LUC7L: variants seen among roughly 807,000 people sequenced by gnomAD.
LUC7L encodes LUC7 like.
LUC7L carries 29 observed loss-of-function variants against 51.1 expected under a neutral mutation model. The observed-to-expected ratio is 0.57, with a 90% CI of 0.42 to 0.77. LUC7L has a LOEUF of 0.77. Ranked by LOEUF, LUC7L falls within the 30% of genes least tolerant of loss-of-function variation. The probability of loss-of-function intolerance (pLI) is 0.00; values close to 1 mark genes in which losing one functional copy is unlikely to be tolerated. For synonymous variants in LUC7L, 181 were observed against 180.7 expected, an observed-to-expected ratio of 1.00 and a Z score of -0.01; for missense variants, 403 against 511.9, an observed-to-expected ratio of 0.79 and a Z score of 2.05.
chr16:189,623 A>C, intron 9 of LUC7L: 1 of 1,328,534 alleles, frequency 7.5e-7, no homozygotes, highest in Non-Finnish European at 9.6e-7. Flanking sequence ...CACTACGTAA[A>C]AACACAATGG....
intron 3 of LUC7L, among the ~76,000 whole-genome samples, chr16:213,067 C>G (rs184828669): frequency 6.6e-6 from 1 of 152,182 alleles, no homozygotes; most frequent in African/African-American, 2.4e-5. Flanking sequence ...ACCTGGCCAT[C>G]TGTAACTTTT....
Position 189,298 on chromosome 16 carries a change from C to G in LUC7L, c.1016G>C (p.Ser339Thr), listed in dbSNP as rs1454626257. ...CGGGGGCCCTCGCTCGCTCCGCCCG[C>G]TCTCCCAGGACTCCTCTCTGGATGC... is the stretch of plus-strand genomic sequence containing the variant. Reference protein sequence around the residue: ...ERASREESWESGRSERGPPDW... With the variant: ...ERASREESWETGRSERGPPDW... Residue 339 changes from serine (S) to threonine (T), a missense_variant, in exon 10 of 10, where the codon AGC (serine) becomes ACC (threonine). Around this residue, in one of 3 missense-constraint regions of LUC7L, gnomAD observed 206 missense variants for 218.3 expected, o/e 0.94. Transcript: ENST00000293872. 1 of 1,613,336 alleles carries G rather than the reference C, an allele frequency of 6.2e-7. No individual in the cohort carries two copies. Among genetic ancestry groups the G allele is most frequent in the Admixed American group, 1.7e-5 (1 of 59,972 alleles).
Position 189,119 on chromosome 16 carries a change from T to A in LUC7L, c.*79A>T. On this transcript the variant is annotated 3_prime_UTR_variant, in exon 10 of 10. Coordinates refer to ENST00000293872, the MANE Select transcript of LUC7L (RefSeq NM_201412.3). ...GAAATTTTAAACTACAAAAGATGAG[T>A]TGTATTCAGCAAATATAAAGGGTAA... 2.1e-6 allele frequency: 3 copies of A among 1,412,732 alleles called. No homozygotes were observed. Among genetic ancestry groups the A allele is most frequent in the Non-Finnish European group, 2.9e-6 (3 of 1,032,186 alleles). The allele number at this position is 1,412,732 out of a possible 1,614,324, so 87.5% of individuals were successfully genotyped here. A position where few individuals can be genotyped will look rare whatever the true frequency, so the allele number is the denominator to read the frequency against.
chr16:211,526 CTTT>C (rs2049640594), intron 3 of LUC7L, among the ~76,000 whole-genome samples: 1 of 152,170 alleles, frequency 6.6e-6, no homozygotes, highest in Admixed American at 6.5e-5. Flanking sequence ...CTGCCAAGTT[CTTT>C]AAAAGGTGGC....
chr16:190,741 G>C (rs1368559267), intron 7 of LUC7L, 171 bp from the exon 8 acceptor site: 2 of 611,392 alleles, frequency 3.3e-6, no homozygotes, highest in African/African-American at 3.7e-5. Context: ...CTGGCCAGGC[G>C]TGGTGGCGGG....
intron 2 of LUC7L, 123 bp from the exon 3 acceptor site, chr16:220,870 A>G (rs558666196): frequency 1.5e-6 from 1 of 660,312 alleles, no homozygotes; most frequent in Non-Finnish European, 2.7e-6. Context: ...TGACACTGCA[A>G]TAAGAAAATT....
chr16:207,139 C>T (rs2049505656), intron 4 of LUC7L, among the ~76,000 whole-genome samples: 1 of 151,532 alleles, frequency 6.6e-6, no homozygotes, highest in South Asian at 2.1e-4. Flanking sequence ...GCGGAGCTTG[C>T]AGTGAGTCGA....
intron 7 of LUC7L, among the ~76,000 whole-genome samples, chr16:191,945 G>C (rs772811850): frequency 1.8e-4 from 28 of 152,158 alleles, no homozygotes; most frequent in Non-Finnish European, 4.4e-5. Context: ...GTCTCCAGGA[G>C]GATGTGGATA....
intron 6 of LUC7L, among the ~76,000 whole-genome samples, chr16:196,995 C>T (rs1371651567): frequency 6.6e-6 from 1 of 150,690 alleles, no homozygotes; most frequent in Admixed American, 6.6e-5. Context: ...GCAAGCTCCG[C>T]CTCCCGGGTT....
Position 229,402 on chromosome 16 carries a change from G to T in LUC7L, c.-63C>A. 1 of 1,388,968 alleles carries T rather than the reference G, an allele frequency of 7.2e-7. No homozygotes were observed. The allele number at this position is 1,388,968 out of a possible 1,614,324, so 86.0% of individuals were successfully genotyped here. On this transcript the variant is annotated 5_prime_UTR_variant, in exon 1 of 10. Coordinates refer to ENST00000293872, the MANE Select transcript of LUC7L (RefSeq NM_201412.3). ...TTCTCTCAGGCAGGCGGTGGCAGCG[G>T]CGTCGACAAACGATGGTCGCGTCGG...
rs865869983 is a variant in LUC7L at position 198,053 on chromosome 16, G to C, written c.687+1009C>G. On this transcript the variant is annotated intron_variant, in intron 6 of 9. Transcript: ENST00000293872. ...GGAGGCTGAGGCGGGCGGATCGCGA[G>C]GTCAGGAGATCGAGACCATCCTGGC... Among the ~76,000 whole-genome samples, 155 of 152,128 alleles carry C rather than the reference G, an allele frequency of 1.0e-3. 2 individuals are homozygous for C. In the Middle Eastern group the frequency reaches 0.014, roughly 13 times the overall value.
chr16:206,174 A>T, intron 4 of LUC7L, 27 bp from the exon 5 acceptor site: 2 of 1,600,894 alleles, frequency 1.2e-6, no homozygotes, highest in East Asian at 4.5e-5. Context: ...TGAGGTAAGC[A>T]GACATCTGAA....
chr16:198,061 G>C (rs1407860916), intron 6 of LUC7L, among the ~76,000 whole-genome samples: 1 of 151,944 alleles, frequency 6.6e-6, no homozygotes, highest in African/African-American at 2.4e-5. Context: ...GAGGTCAGGA[G>C]ATCGAGACCA....
rs1344698080 is a variant in LUC7L at position 208,151 on chromosome 16, T to A, written c.293A>T (p.Asp98Val). The change falls in exon 4 of 10, where the codon GAT (aspartate) becomes GTT (valine). Residue 98 changes from aspartate (D) to valine (V), a missense_variant. Physicochemically the swap from Asp to Val is radical, Grantham distance 152. Transcript: ENST00000293872. ...DHLESFIAEC[D>V]RRTELAKKRL... is the part of the protein sequence containing the mutation. ...CTTCTTGGCGAGCTCAGTTCTCCGA[T>A]CACATTCAGCAATAAAGGACTCCAA... The A allele has an allele frequency of 1.2e-6, 2 of 1,613,786 alleles. No homozygotes were observed. The highest frequency in any genetic ancestry group is 1.7e-6 in the Non-Finnish European group (2 of 1,179,890).
chr16:208,059 C>T lies in LUC7L; in HGVS notation c.366+19G>A, dbSNP rs1430130135. ...GTATTTTTAAGAACACACCAGACAC[C>T]GAAGCCACCCAAGCATACCTTTGCA... On this transcript the variant is annotated intron_variant, in intron 4 of 9. Coordinates refer to ENST00000293872, the MANE Select transcript of LUC7L (RefSeq NM_201412.3). 6 of 1,569,370 alleles carry T rather than the reference C, an allele frequency of 3.8e-6. No homozygotes were observed. The highest frequency in any genetic ancestry group is 1.7e-4 in the Middle Eastern group (1 of 5,930).
At position 192,965 on chromosome 16, in the gene LUC7L, C is replaced by A; in HGVS notation, c.738G>T (p.Arg246Ser). The change falls in exon 7 of 10, where the codon AGG (arginine) becomes AGT (serine). Residue 246 changes from arginine (R) to serine (S), a missense_variant. Coordinates refer to ENST00000293872, the MANE Select transcript of LUC7L (RefSeq NM_201412.3). ...GCTCCTCCCGTTCCCTCTCCTCTCT[C>A]CTCCTCAAGCGATCCTGATTTCTCT... is the stretch of plus-strand genomic sequence containing the variant. ...QEKRNQDRLRRREEREREERL... is the reference protein window; with the variant it reads ...QEKRNQDRLRSREEREREERL... 1 of 1,613,568 alleles carries A rather than the reference C, an allele frequency of 6.2e-7. No individual in the cohort carries two copies. Among genetic ancestry groups the A allele is most frequent in the Non-Finnish European group, 8.5e-7 (1 of 1,180,008 alleles).
intron 3 of LUC7L, among the ~76,000 whole-genome samples, chr16:216,029 T>G (rs950332595): frequency 6.6e-6 from 1 of 152,018 alleles, no homozygotes; most frequent in Admixed American, 6.6e-5. Context: ...GAGATGGGAT[T>G]TCGCTCTTGT....
intron 2 of LUC7L, among the ~76,000 whole-genome samples, chr16:222,357 C>G (rs1420247450): frequency 6.8e-6 from 1 of 147,350 alleles, no homozygotes; most frequent in African/African-American, 2.5e-5. Context: ...GACGTTAGTA[C>G]CAGTTGCAGT....
chr16:215,110 G>A (rs956367991), intron 3 of LUC7L, among the ~76,000 whole-genome samples: 6 of 152,100 alleles, frequency 3.9e-5, no homozygotes, highest in African/African-American at 1.4e-4. Flanking sequence ...AATAAGTTAC[G>A]ATAAACATCT....
Sources: gnomAD v4.1 joint callset for allele counts (sites outside exome capture counted in the v4.1 genomes callset) on GRCh38, gnomAD v4.1.1 for gene constraint, gnomAD v4.1.1 regional missense constraint, MANE v1.5 for transcripts, NCBI Gene and HGNC (gene_info 2026-07-23, HGNC 2026-07-21) for gene names.